The following CLMN variants were observed in gnomAD, a reference collection of about 807,000 sequenced individuals.
CLMN encodes calmin (calponin-like, transmembrane).
CLMN carries 57 observed loss-of-function variants against 92.7 expected under a neutral mutation model. The ratio of observed to expected loss-of-function variants is 0.61; its 90% CI spans 0.50 to 0.77. The LOEUF is 0.77. Among genes scored for constraint, CLMN ranks in the 30% least tolerant of loss-of-function variants. CLMN has a pLI of 0.00. For synonymous variants in CLMN, 466 were observed against 470.6 expected (o/e 0.99, Z 0.13); for missense variants, 1,158 against 1,237.5 (o/e 0.94, Z 0.96).
chr14:95,284,811 T>C (rs926538838), intron 1 of CLMN, among the ~76,000 whole-genome samples: 1 of 152,214 alleles, frequency 6.6e-6, no homozygotes, highest in African/African-American at 2.4e-5. Flanking sequence ...TTGTCTCAGA[T>C]AAGACTTTGG....
intron 12 of CLMN, chr14:95,193,325 A>G (rs1330733168): frequency 6.5e-7 from 1 of 1,532,318 alleles, no homozygotes; most frequent in Non-Finnish European, 8.7e-7. Context: ...ATACTTTCAT[A>G]GACATCCTGG....
At chr14:95,224,152 C>G (rs192658128) in intron 2 of CLMN, among the ~76,000 whole-genome samples, 90 of 152,358 alleles carry the variant, frequency 5.9e-4, no homozygotes, top group African/African-American at 2.1e-3. Context: ...ACGTTTAGAT[C>G]ACATCCACAT....
chr14:95,267,297 A>C (rs1284774629), intron 1 of CLMN, among the ~76,000 whole-genome samples: 1 of 152,182 alleles, frequency 6.6e-6, no homozygotes, highest in Non-Finnish European at 1.5e-5. Flanking sequence ...GATTAATAAC[A>C]AGAATATGCA....
At chr14:95,317,601 A>C (rs1406129260) in intron 1 of CLMN, among the ~76,000 whole-genome samples, 1 of 108,888 alleles carries the variant, frequency 9.2e-6, no homozygotes, top group Non-Finnish European at 2.4e-5. Flanking sequence ...AATGCTGGGA[A>C]AAAAAAAAAA....
chr14:95,248,181 T>A (rs1898648027), intron 1 of CLMN, among the ~76,000 whole-genome samples: 1 of 152,098 alleles, frequency 6.6e-6, no homozygotes, highest in Non-Finnish European at 1.5e-5. Context: ...ACCAGCTCGT[T>A]GCAATGTATG....
At chr14:95,201,098 T>C (rs1263393606) in intron 9 of CLMN, among the ~76,000 whole-genome samples, 1 of 151,892 alleles carries the variant, frequency 6.6e-6, no homozygotes, top group Non-Finnish European at 1.5e-5. Context: ...CCATGGCACA[T>C]GTATACCTAT....
In CLMN at chr14:95,190,782, C is replaced by T. The variant is rs115349753; in HGVS notation, c.*782G>A. The stretch of plus-strand genomic sequence containing the variant: ...AGCTGATTCCAGCCCAGCCACTCCT[C>T]ATGGCTTTTATATGGCCCTGCTGGG... On this transcript the variant is annotated 3_prime_UTR_variant, in exon 13 of 13. Transcript: ENST00000298912. 278 of 152,372 alleles carry T rather than the reference C, an allele frequency of 1.8e-3. No homozygotes were observed. The highest frequency in any genetic ancestry group is 6.3e-3 in the African/African-American group (262 of 41,584). 9.4% of individuals were successfully genotyped at this position (152,372 alleles called of 1,614,324 possible). A position where few individuals can be genotyped will look rare whatever the true frequency, so the allele number is the denominator to read the frequency against.
At chr14:95,316,810 T>A (rs1312884040) in intron 1 of CLMN, among the ~76,000 whole-genome samples, 5 of 152,076 alleles carry the variant, frequency 3.3e-5, no homozygotes, top group Non-Finnish European at 5.9e-5. Flanking sequence ...GATCACCCCA[T>A]CCCAGGGCCC....
intron 1 of CLMN, among the ~76,000 whole-genome samples, chr14:95,244,658 C>A (rs1898389802): frequency 6.6e-6 from 1 of 152,164 alleles, no homozygotes; most frequent in South Asian, 2.1e-4. Flanking sequence ...TACTATAATT[C>A]TTCCCTCTAT....
chr14:95,240,518 C>T (rs1898208630), intron 1 of CLMN, among the ~76,000 whole-genome samples: 1 of 152,060 alleles, frequency 6.6e-6, no homozygotes. Context: ...TCTGGGGTCC[C>T]ATGTCTCCCC....
chr14:95,196,393 G>A (rs1896712833), intron 10 of CLMN, 105 bp downstream of exon 10: 1 of 1,136,888 alleles, frequency 8.8e-7, no homozygotes, highest in Non-Finnish European at 1.2e-6. Context: ...TTCCCTTGCT[G>A]TCCAATCCCA....
intron 2 of CLMN, among the ~76,000 whole-genome samples, chr14:95,225,465 C>T (rs1897681591): frequency 6.6e-6 from 1 of 152,240 alleles, no homozygotes; most frequent in East Asian, 1.9e-4. Context: ...GAGCCTGGCA[C>T]AGCCCCCACC....
intron 1 of CLMN, among the ~76,000 whole-genome samples, chr14:95,255,973 T>C (rs1445827273): frequency 6.6e-6 from 1 of 152,214 alleles, no homozygotes; most frequent in Non-Finnish European, 1.5e-5. Context: ...CTAAATTAAT[T>C]CCTTTAATCC....
At chr14:95,196,249 C>T (rs1165414986) in intron 10 of CLMN, among the ~76,000 whole-genome samples, 5 of 125,622 alleles carry the variant, frequency 4.0e-5, no homozygotes, top group Non-Finnish European at 8.3e-5. Flanking sequence ...CAGCTTCCAC[C>T]CAAAGGTTTG....
chr14:95,217,947 G>A (rs558055475), intron 4 of CLMN, among the ~76,000 whole-genome samples: 10 of 152,366 alleles, frequency 6.6e-5, no homozygotes, highest in Non-Finnish European at 1.5e-4. Context: ...CAGGTGGTCC[G>A]AGGCCCCAAG....
intron 1 of CLMN, among the ~76,000 whole-genome samples, chr14:95,300,867 G>T (rs1901022576): frequency 6.6e-6 from 1 of 152,248 alleles, no homozygotes; most frequent in Admixed American, 6.5e-5. Context: ...CAGTGCCTGG[G>T]AAAGAGCCTG....
At chr14:95,224,619 G>A (rs1370678573) in intron 2 of CLMN, among the ~76,000 whole-genome samples, 1 of 152,216 alleles carries the variant, frequency 6.6e-6, no homozygotes, top group Non-Finnish European at 1.5e-5. Context: ...GAGGCTCAAA[G>A]AGGATGAGTG....
In CLMN at chr14:95,189,263, T is replaced by C. The variant is rs1218200836; in HGVS notation, c.*2301A>G. On this transcript the variant is annotated 3_prime_UTR_variant, in exon 13 of 13. Transcript: ENST00000298912. Reference sequence around the variant, plus strand: ...AAAGTGTAAGCACGTTATGTAGAAATGCAAACATAAGAGAGTTGAAAGTGG... The same window carrying C: ...AAAGTGTAAGCACGTTATGTAGAAACGCAAACATAAGAGAGTTGAAAGTGG... The C allele has an allele frequency of 1.3e-5, 2 of 152,220 alleles. No individual in the cohort carries two copies. Among genetic ancestry groups the C allele is most frequent in the African/African-American group, 2.4e-5 (1 of 41,458 alleles). The allele number at this position is 152,220 out of a possible 1,614,324, so 9.4% of individuals were successfully genotyped here.
rs1896348944 is a variant in CLMN at position 95,182,420 on chromosome 14, T to C, written c.*9144A>G. ...TCCTGTCTCCAAGTTTAGTTAAGTC[T>C]GTCCTGAGGATGTACAGTAGGGAAC... On this transcript the variant is annotated 3_prime_UTR_variant, in exon 13 of 13. Coordinates refer to ENST00000298912, the MANE Select transcript of CLMN (RefSeq NM_024734.4). 6.6e-6 allele frequency: 1 copy of C among 152,254 alleles called. No individual in the cohort carries two copies. Among genetic ancestry groups the C allele is most frequent in the African/African-American group, 2.4e-5 (1 of 41,478 alleles). 9.4% of individuals were successfully genotyped at this position (152,254 alleles called of 1,614,324 possible).
Sources: gnomAD v4.1 joint callset for allele counts (sites outside exome capture counted in the v4.1 genomes callset) on GRCh38, gnomAD v4.1.1 for gene constraint, MANE v1.5 for transcripts, NCBI Gene and HGNC (gene_info 2026-07-23, HGNC 2026-07-21) for gene names.